GNAS: variants seen among roughly 807,000 people sequenced by gnomAD.
The protein encoded by GNAS is protein ALEX.
A neutral mutation model predicts 54.5 loss-of-function variants in GNAS; 8 were observed. That is an observed-to-expected ratio of 0.15 (90% CI 0.09 to 0.26). The LOEUF is 0.26. Among genes scored for constraint, GNAS ranks in the 10% least tolerant of loss-of-function variants. The probability of loss-of-function intolerance (pLI) is 1.00; values close to 1 mark genes in which losing one functional copy is unlikely to be tolerated. For missense variants in GNAS, 170 were observed against 529.8 expected (o/e 0.32, Z 6.67); for synonymous variants, 204 against 191.4 (o/e 1.07, Z -0.54).
At chr20:58,901,304 G>A (rs1472987697) in intron 3 of GNAS, among the ~76,000 whole-genome samples, 4 of 152,116 alleles carry the variant, frequency 2.6e-5, no homozygotes, top group South Asian at 4.1e-4. Flanking sequence ...TACCAAGGCC[G>A]GGGATTCTTA....
Position 58,853,776 on chromosome 20 carries a change from CAG to C in GNAS, c.43+12895_43+12896del. On this transcript the variant is annotated intron_variant, in intron 1 of 12. Coordinates refer to the GNAS transcript ENST00000306090. The surrounding 1 kb of genome is among the most constrained non-coding windows in gnomAD (Gnocchi z 4.4). ...GCCCTTTGAGTTTGACCAGCCTGCCCAGAGAGGCTGCAGTCAACTTCTCTTAC... is the reference window on the plus strand; with the variant it reads ...GCCCTTTGAGTTTGACCAGCCTGCCCAGAGGCTGCAGTCAACTTCTCTTAC... 1 of 1,612,834 alleles carries C rather than the reference CAG, an allele frequency of 6.2e-7. No individual in the cohort carries two copies. The highest frequency in any genetic ancestry group is 8.5e-7 in the Non-Finnish European group (1 of 1,179,432).
At chr20:58,860,971 A>G (rs762948110) in intron 1 of GNAS, among the ~76,000 whole-genome samples, 7 of 152,184 alleles carry the variant, frequency 4.6e-5, no homozygotes, top group Admixed American at 1.3e-4. Flanking sequence ...CAGGAAGGTT[A>G]GTATTAAGCA....
chr20:58,900,185 G>A lies in GNAS; in HGVS notation c.257+1200G>A, dbSNP rs2090479454. The A allele has an allele frequency of 1.4e-5, 8 of 570,220 alleles. No individual in the cohort carries two copies. The East Asian group carries it at 2.3e-4, about 16-fold the overall frequency. 35.3% of individuals were successfully genotyped at this position (570,220 alleles called of 1,614,324 possible). ...ATGTAGTATGACAACTATCCAAAAA[G>A]GCATCTCTATAAGAAATGACTAATT... On this transcript the variant is annotated intron_variant, in intron 3 of 12. Coordinates refer to ENST00000371085, the MANE Select transcript of GNAS (RefSeq NM_000516.7).
intron 1 of GNAS, chr20:58,848,787 G>A (rs1179380789): frequency 1.0e-5 from 4 of 397,700 alleles, no homozygotes; most frequent in African/African-American, 6.2e-5. Context: ...GGCCTTGCAG[G>A]TGCCACAGGT....
chr20:58,871,258 TGAAA>T (rs1480898989), intron 1 of GNAS, among the ~76,000 whole-genome samples: 2 of 152,114 alleles, frequency 1.3e-5, no homozygotes, highest in African/African-American at 4.8e-5. Context: ...TGTTTATTGT[TGAAA>T]GAGAGAGACA....
At chr20:58,840,081 CG>C, upstream of GNAS, 1 of 1,608,464 alleles carries the variant, frequency 6.2e-7, no homozygotes, top group Non-Finnish European at 8.5e-7. This position sits in a 1 kb window ranked among gnomAD's most constrained non-coding sequence, Gnocchi z 6.0. Flanking sequence ...GAGGGCAGGC[CG>C]GCTTCTCGGT....
intron 1 of GNAS, chr20:58,864,002 A>G (rs1456563290): frequency 6.6e-6 from 1 of 152,296 alleles, no homozygotes; most frequent in Non-Finnish European, 1.5e-5. Context: ...TCCAAAGGAA[A>G]GAGAATCTCG....
At chr20:58,880,208 A>G (rs1263277893) in intron 1 of GNAS, among the ~76,000 whole-genome samples, 1 of 152,196 alleles carries the variant, frequency 6.6e-6, no homozygotes, top group Non-Finnish European at 1.5e-5. Flanking sequence ...TTTGTAGTTC[A>G]GTCTTACACA....
At chr20:58,839,785 G>A (rs1410487471), upstream of GNAS, 1 of 570,272 alleles carries the variant, frequency 1.8e-6, no homozygotes, top group East Asian at 2.9e-5. Context: ...AGGACCGGCG[G>A]AGGCACCTCT....
chr20:58,900,616 G>C (rs940027949), intron 3 of GNAS, among the ~76,000 whole-genome samples: 2 of 152,114 alleles, frequency 1.3e-5, no homozygotes, highest in African/African-American at 4.8e-5. Flanking sequence ...GACCCTAAAA[G>C]TACTTCCAGC....
rs2086441563 is a variant in GNAS at position 58,855,503 on chromosome 20, G to A, written c.43+14617G>A. Reference sequence around the variant, plus strand: ...GGGAGGGACCCTAACTGCCCTGGGAGCGGGAGGGGATCTTTGGTGGATTCG... The same window carrying A: ...GGGAGGGACCCTAACTGCCCTGGGAACGGGAGGGGATCTTTGGTGGATTCG... On this transcript the variant is annotated intron_variant, in intron 1 of 12. Coordinates refer to the GNAS transcript ENST00000306090. 1.3e-5 allele frequency: 10 copies of A among 740,938 alleles called. 1 individual carries two copies. The highest frequency in any genetic ancestry group is 4.5e-4 in the Middle Eastern group (2 of 4,428). The allele number at this position is 740,938 out of a possible 1,614,324, so 45.9% of individuals were successfully genotyped here.
chr20:58,896,161 A>G (rs754654092), intron 2 of GNAS, among the ~76,000 whole-genome samples: 1 of 152,182 alleles, frequency 6.6e-6, no homozygotes, highest in Non-Finnish European at 1.5e-5. Context: ...TATTAGGGAA[A>G]CATTGTTTCC....
intron 1 of GNAS, among the ~76,000 whole-genome samples, chr20:58,849,630 T>G (rs1448830026): frequency 1.3e-5 from 2 of 152,150 alleles, no homozygotes; most frequent in African/African-American, 4.8e-5. Flanking sequence ...TCCCACTGAC[T>G]TCCCTGTCCC....
At chr20:58,843,754 T>C (rs952914589) in intron 1 of GNAS, among the ~76,000 whole-genome samples, 1 of 152,228 alleles carries the variant, frequency 6.6e-6, no homozygotes, top group Admixed American at 6.5e-5. Flanking sequence ...AATGGAAATT[T>C]GCTTTTGTGG....
At chr20:58,889,295 GGGGCGGCGGC>G, upstream of GNAS, 1 of 990,494 alleles carries the variant, frequency 1.0e-6, no homozygotes, top group Non-Finnish European at 1.2e-6. Flanking sequence ...GTCCCGGCGC[GGGGCGGCGGC>G]GGGCGGCCGG....
At position 58,911,045 on chromosome 20, in the gene GNAS, G is replaced by C; in HGVS notation, c.*216G>C. The C allele has an allele frequency of 1.5e-6, 1 of 678,172 alleles. No individual in the cohort carries two copies. Among genetic ancestry groups the C allele is most frequent in the Non-Finnish European group, 2.7e-6 (1 of 372,124 alleles). The allele number at this position is 678,172 out of a possible 1,614,324, so 42.0% of individuals were successfully genotyped here. ...GCGGCCTACAGAAAAAGGAAAAAAG[G>C]CCACAAAAGTTCCCTCTCACTTTCA... On this transcript the variant is annotated 3_prime_UTR_variant, in exon 13 of 13. Coordinates refer to ENST00000371085, the MANE Select transcript of GNAS (RefSeq NM_000516.7).
chr20:58,862,028 A>T (rs2145632010), intron 1 of GNAS, among the ~76,000 whole-genome samples: 1 of 152,146 alleles, frequency 6.6e-6, no homozygotes, highest in African/African-American at 2.4e-5. Context: ...TCCCCCAAAA[A>T]GAGGGCCAGC....
chr20:58,891,752 CCGAGGACCAGCGCAA>C lies in GNAS; in HGVS notation c.33_47del (p.Asp11_Glu15del). The C allele has an allele frequency of 8.0e-7, 1 of 1,253,306 alleles. No individual in the cohort carries two copies. Among genetic ancestry groups the C allele is most frequent in the Non-Finnish European group, 1.0e-6 (1 of 958,952 alleles). The allele number at this position is 1,253,306 out of a possible 1,614,324, so 77.6% of individuals were successfully genotyped here. A position where few individuals can be genotyped will look rare whatever the true frequency, so the allele number is the denominator to read the frequency against. Reference sequence around the variant, plus strand: ...ATGGGCTGCCTCGGGAACAGTAAGACCGAGGACCAGCGCAACGAGGAGAAGGCGCAGCGTGAGGCC... The same window carrying C: ...ATGGGCTGCCTCGGGAACAGTAAGACCGAGGAGAAGGCGCAGCGTGAGGCC... On this transcript the variant is annotated inframe_deletion, in exon 1 of 13. Coordinates refer to ENST00000371085, the MANE Select transcript of GNAS (RefSeq NM_000516.7).
At position 58,853,423 on chromosome 20, in the gene GNAS, C is replaced by G. The variant is rs763257494; in HGVS notation, c.43+12537C>G. On this transcript the variant is annotated intron_variant, in intron 1 of 12. Coordinates refer to the GNAS transcript ENST00000306090. This position sits in a 1 kb window ranked among gnomAD's most constrained non-coding sequence, Gnocchi z 4.4. ...CCAGCCGAAGAGATGGAGACCGAACCGCCTCACAACGAGCCCATCCCCGTC... is the reference window on the plus strand; with the variant it reads ...CCAGCCGAAGAGATGGAGACCGAACGGCCTCACAACGAGCCCATCCCCGTC... 1.7e-5 allele frequency: 27 copies of G among 1,596,500 alleles called. No individual in the cohort carries two copies. The Admixed American group carries it at 2.2e-4, about 13-fold the overall frequency.
Sources: gnomAD v4.1 joint callset for allele counts (sites outside exome capture counted in the v4.1 genomes callset) on GRCh38, gnomAD v4.1.1 for gene constraint, Gnocchi (gnomAD v3.1) non-coding constraint, MANE v1.5 for transcripts, NCBI Gene and HGNC (gene_info 2026-07-23, HGNC 2026-07-21) for gene names.